The following PDSS2 variants were observed in gnomAD, a reference collection of about 807,000 sequenced individuals.
PDSS2 encodes all trans-polyprenyl-diphosphate synthase PDSS2.
PDSS2 carries 31 observed loss-of-function variants against 44.5 expected under a neutral mutation model. That is an observed-to-expected ratio of 0.70 (90% CI 0.52 to 0.94). The LOEUF (loss-of-function observed/expected upper bound fraction) is 0.94. Among genes scored for constraint, PDSS2 ranks in the 40% least tolerant of loss-of-function variants. PDSS2 has a pLI of 0.00. For synonymous variants in PDSS2, 157 were observed against 180.3 expected (o/e 0.87, Z 1.03); for missense variants, 452 against 482.2 (o/e 0.94, Z 0.59).
chr6:107,227,924 A>G (rs1370228015), intron 4 of PDSS2, among the ~76,000 whole-genome samples: 2 of 152,184 alleles, frequency 1.3e-5, no homozygotes, highest in East Asian at 3.8e-4. Context: ...GCAGTGACCC[A>G]GGATGGAGAT....
intron 1 of PDSS2, among the ~76,000 whole-genome samples, chr6:107,360,323 A>T (rs1778730325): frequency 6.6e-6 from 1 of 152,230 alleles, no homozygotes; most frequent in African/African-American, 2.4e-5. Context: ...GCTGAAGTAT[A>T]AACTGAACAA....
chr6:107,407,224 T>C (rs1780349350), intron 1 of PDSS2, among the ~76,000 whole-genome samples: 1 of 152,242 alleles, frequency 6.6e-6, no homozygotes, highest in African/African-American at 2.4e-5. Flanking sequence ...ATGATTCTAC[T>C]TATATGTGGT....
intron 1 of PDSS2, among the ~76,000 whole-genome samples, chr6:107,426,172 C>T (rs189221728): frequency 4.8e-4 from 73 of 152,236 alleles, no homozygotes; most frequent in African/African-American, 1.3e-3. Flanking sequence ...AGGGTCCCTC[C>T]GCTGTGTAGT....
At chr6:107,205,610 T>C (rs1180953381) in intron 6 of PDSS2, among the ~76,000 whole-genome samples, 1 of 152,206 alleles carries the variant, frequency 6.6e-6, no homozygotes, top group Non-Finnish European at 1.5e-5. Context: ...GAGAGATCTG[T>C]AGAATTTAGT....
chr6:107,185,841 A>C (rs1034619857), intron 7 of PDSS2, among the ~76,000 whole-genome samples: 1 of 152,214 alleles, frequency 6.6e-6, no homozygotes. Context: ...CCAGAAGCCT[A>C]AAGAGCTGGA....
At chr6:107,266,145 A>G (rs577554881) in intron 3 of PDSS2, among the ~76,000 whole-genome samples, 1 of 152,348 alleles carries the variant, frequency 6.6e-6, no homozygotes, top group East Asian at 1.9e-4. Context: ...AAATATTGCC[A>G]AGTATTTAAA....
chr6:107,218,492 C>T (rs983443175), intron 4 of PDSS2, among the ~76,000 whole-genome samples: 3 of 152,158 alleles, frequency 2.0e-5, no homozygotes, highest in African/African-American at 7.2e-5. Context: ...TTCCTATATC[C>T]TTACCTTGCG....
intron 1 of PDSS2, among the ~76,000 whole-genome samples, chr6:107,412,640 C>T (rs76237055): frequency 0.035 from 5,322 of 152,252 alleles, 318 homozygotes; most frequent in African/African-American, 0.12. Flanking sequence ...GTTTTAAAAA[C>T]TGTATTTCTC....
intron 1 of PDSS2, among the ~76,000 whole-genome samples, chr6:107,370,260 T>C (rs1449620644): frequency 2.0e-5 from 3 of 152,210 alleles, no homozygotes; most frequent in African/African-American, 7.2e-5. Context: ...CACAAACTAC[T>C]CGCAAGGTCT....
intron 3 of PDSS2, among the ~76,000 whole-genome samples, chr6:107,260,091 C>G (rs1274860970): frequency 1.3e-5 from 2 of 152,200 alleles, no homozygotes; most frequent in Non-Finnish European, 2.9e-5. Flanking sequence ...TTGCTTGGCA[C>G]AGCCATACTT....
chr6:107,201,941 C>T (rs1416327440), intron 6 of PDSS2, among the ~76,000 whole-genome samples: 2 of 152,142 alleles, frequency 1.3e-5, no homozygotes, highest in African/African-American at 4.8e-5. Context: ...CTCTCCATGA[C>T]CATTTATTAT....
chr6:107,160,117 G>A (rs1554246464), intron 7 of PDSS2, among the ~76,000 whole-genome samples: 1 of 152,180 alleles, frequency 6.6e-6, no homozygotes, highest in African/African-American at 2.4e-5. Context: ...TTGGGAGGCT[G>A]AGGCAGGAGA....
intron 4 of PDSS2, among the ~76,000 whole-genome samples, chr6:107,237,180 G>A (rs901025624): frequency 2.6e-5 from 4 of 152,082 alleles, no homozygotes; most frequent in Non-Finnish European, 4.4e-5. Flanking sequence ...TGATTGCCCT[G>A]CCTTGGTCTC....
intron 1 of PDSS2, among the ~76,000 whole-genome samples, chr6:107,388,347 T>C (rs1779674099): frequency 6.6e-6 from 1 of 152,110 alleles, no homozygotes. Flanking sequence ...CAGTTTCTTA[T>C]AAAATTAGAA....
intron 4 of PDSS2, among the ~76,000 whole-genome samples, chr6:107,218,009 C>G (rs1356635533): frequency 1.3e-5 from 2 of 152,206 alleles, no homozygotes; most frequent in Non-Finnish European, 2.9e-5. Flanking sequence ...TAATCAAAAT[C>G]TGCCAACTCC....
At position 107,389,764 on chromosome 6, in the gene PDSS2, G is replaced by A. The variant is rs1218688715; in HGVS notation, c.297-55432C>T. 2.0e-5 allele frequency among the ~76,000 whole-genome samples: 3 copies of A among 152,032 alleles called. No individual in the cohort carries two copies. In the East Asian group the frequency reaches 5.8e-4, roughly 29 times the overall value. The stretch of plus-strand genomic sequence containing the variant: ...AGGAATAGGAATGTCCAGAAGCAAT[G>A]ATCATATCCACAACCCAGATATTGG... On this transcript the variant is annotated intron_variant, in intron 1 of 7. Coordinates refer to ENST00000369037, the MANE Select transcript of PDSS2 (RefSeq NM_020381.4).
intron 2 of PDSS2, among the ~76,000 whole-genome samples, chr6:107,277,390 G>A (rs1421204797): frequency 6.6e-6 from 1 of 152,236 alleles, no homozygotes; most frequent in Non-Finnish European, 1.5e-5. Context: ...AAGGGACTGT[G>A]TGGATAAGTG....
chr6:107,186,856 T>A (rs1772188546), intron 7 of PDSS2, among the ~76,000 whole-genome samples: 1 of 152,208 alleles, frequency 6.6e-6, no homozygotes, highest in African/African-American at 2.4e-5. Context: ...GCTTTTGAGT[T>A]TACAAATACC....
At chr6:107,252,099 G>C (rs1774840755) in intron 3 of PDSS2, among the ~76,000 whole-genome samples, 1 of 152,192 alleles carries the variant, frequency 6.6e-6, no homozygotes, top group African/African-American at 2.4e-5. Context: ...ACAGGGCACA[G>C]CAGCAGTGGC....
Sources: gnomAD v4.1 joint callset for allele counts (sites outside exome capture counted in the v4.1 genomes callset) on GRCh38, gnomAD v4.1.1 for gene constraint, MANE v1.5 for transcripts, NCBI Gene and HGNC (gene_info 2026-07-23, HGNC 2026-07-21) for gene names.